JAM2: variants seen among roughly 807,000 people sequenced by gnomAD.
JAM2 encodes junctional adhesion molecule 2.
JAM2 carries 17 observed loss-of-function variants against 42.0 expected under a neutral mutation model. That is an observed-to-expected ratio of 0.40 (90% CI 0.28 to 0.61). The LOEUF (loss-of-function observed/expected upper bound fraction) is 0.61, where lower values mean the gene tolerates loss of function less well. JAM2 is among the 20% of genes least tolerant of loss of function. The probability of loss-of-function intolerance (pLI) is 0.37; values close to 1 mark genes in which losing one functional copy is unlikely to be tolerated. For missense variants in JAM2, 319 were observed against 358.3 expected (o/e 0.89, Z 0.89); for synonymous variants, 118 against 128.6 (o/e 0.92, Z 0.56).
chr21:25,641,004 C>T (rs1307265431), intron 1 of JAM2, among the ~76,000 whole-genome samples: 16 of 152,184 alleles, frequency 1.1e-4, no homozygotes. Context: ...GTGATGTGAG[C>T]CACGTCCCTT....
intron 1 of JAM2, among the ~76,000 whole-genome samples, chr21:25,683,186 C>A (rs752654338): frequency 3.3e-5 from 5 of 151,952 alleles, no homozygotes; most frequent in African/African-American, 4.8e-5. Flanking sequence ...ATCAAAGGTG[C>A]CTTTTTAAAT....
At chr21:25,672,432 C>A (rs1411728060) in intron 1 of JAM2, among the ~76,000 whole-genome samples, 1 of 152,122 alleles carries the variant, frequency 6.6e-6, no homozygotes, top group African/African-American at 2.4e-5. Flanking sequence ...AACCACTTGC[C>A]CAGAGCTGAT....
intron 1 of JAM2, among the ~76,000 whole-genome samples, chr21:25,649,229 C>T (rs1232693913): frequency 2.6e-5 from 4 of 152,152 alleles, no homozygotes; most frequent in African/African-American, 7.2e-5. Flanking sequence ...TGTGTTCTCA[C>T]GCTGCTGTAA....
intron 3 of JAM2, among the ~76,000 whole-genome samples, chr21:25,693,116 C>T (rs750324363): frequency 3.9e-5 from 6 of 152,096 alleles, no homozygotes; most frequent in African/African-American, 7.2e-5. Flanking sequence ...TAACCTTACA[C>T]ATAAAGATTT....
At chr21:25,656,918 C>G (rs1442367786) in intron 1 of JAM2, among the ~76,000 whole-genome samples, 1 of 152,144 alleles carries the variant, frequency 6.6e-6, no homozygotes. Context: ...CAATCAAGAC[C>G]AGCCTTTTTC....
chr21:25,639,449 A>G lies in JAM2; in HGVS notation c.-373A>G, dbSNP rs1229214871. 2.2e-5 allele frequency: 4 copies of G among 180,348 alleles called. No homozygotes were observed. The highest frequency in any genetic ancestry group is 4.6e-5 in the Non-Finnish European group (4 of 87,350). 11.2% of individuals were successfully genotyped at this position (180,348 alleles called of 1,614,324 possible). On this transcript the variant is annotated 5_prime_UTR_variant, in exon 1 of 10. Coordinates refer to ENST00000480456, the MANE Select transcript of JAM2 (RefSeq NM_021219.4). Reference sequence around the variant, plus strand: ...GCGCGGACCAGACACAAAGCCGATCAATCCCGGAGGCGTGGGGGCGGAGGG... The same window carrying G: ...GCGCGGACCAGACACAAAGCCGATCGATCCCGGAGGCGTGGGGGCGGAGGG...
intron 6 of JAM2, among the ~76,000 whole-genome samples, chr21:25,703,472 T>C (rs1211129878): frequency 6.6e-6 from 1 of 152,228 alleles, no homozygotes; most frequent in Non-Finnish European, 1.5e-5. Flanking sequence ...CCGAGGTGTT[T>C]TGTGTCCTTG....
chr21:25,675,109 T>C lies in JAM2; in HGVS notation c.68-8774T>C, dbSNP rs1027933240. 2.6e-5 allele frequency among the ~76,000 whole-genome samples: 4 copies of C among 151,964 alleles called. 1 individual carries two copies. Among genetic ancestry groups the C allele is most frequent in the Non-Finnish European group, 4.4e-5 (3 of 67,992 alleles). On this transcript the variant is annotated intron_variant, in intron 1 of 9. Transcript: ENST00000480456. ...GGAGGCCTCAGGAAGCTTCCAATCA[T>C]GGAGGAAGGCGAAGGGGGCACAGGC...
At chr21:25,679,801 C>A (rs1483398347) in intron 1 of JAM2, among the ~76,000 whole-genome samples, 1 of 152,208 alleles carries the variant, frequency 6.6e-6, no homozygotes, top group Non-Finnish European at 1.5e-5. Flanking sequence ...AACTTTCCAC[C>A]TGGAATCTTT....
At chr21:25,682,346 C>A (rs1013506079) in intron 1 of JAM2, among the ~76,000 whole-genome samples, 1 of 152,202 alleles carries the variant, frequency 6.6e-6, no homozygotes, top group Non-Finnish European at 1.5e-5. Context: ...CTTTCTGATA[C>A]TTTCTTCTTT....
rs1271607480 is a variant in JAM2 at position 25,693,788 on chromosome 21, T to A, written c.274T>A (p.Phe92Ile). ...DFKNRAEMID[F>I]NIRIKNVTRS... Reference sequence around the variant, plus strand: ...TAAAAATCGAGCTGAGATGATAGATTTCAATATCCGGATCAAAAATGTGAC... The same window carrying A: ...TAAAAATCGAGCTGAGATGATAGATATCAATATCCGGATCAAAAATGTGAC... The change falls in exon 4 of 10, where the codon TTC (phenylalanine) becomes ATC (isoleucine). Residue 92 changes from phenylalanine to isoleucine, a missense_variant. Transcript: ENST00000480456. 7 of 1,614,052 alleles carry A rather than the reference T, an allele frequency of 4.3e-6. No individual in the cohort carries two copies. Among genetic ancestry groups the A allele is most frequent in the Non-Finnish European group, 5.9e-6 (7 of 1,179,886 alleles).
rs541106409 is a variant in JAM2 at position 25,654,358 on chromosome 21, G to A, written c.67+14470G>A. Among the ~76,000 whole-genome samples the A allele has an allele frequency of 6.6e-5, 10 of 152,188 alleles. No individual in the cohort carries two copies. The East Asian group carries it at 1.9e-3, about 29-fold the overall frequency. ...ATTAATCTTAGCATCATTGAAAGTA[G>A]GACAACCAGGGCAGGTGCTGTGGCT... is the stretch of plus-strand genomic sequence containing the variant. On this transcript the variant is annotated intron_variant, in intron 1 of 9. Transcript: ENST00000480456.
chr21:25,648,774 T>G (rs1026231391), intron 1 of JAM2, among the ~76,000 whole-genome samples: 9 of 152,226 alleles, frequency 5.9e-5, no homozygotes, highest in Non-Finnish European at 7.3e-5. Flanking sequence ...ATTGTGAGCT[T>G]GCTGGAGGCA....
chr21:25,646,963 A>G (rs1198586823), intron 1 of JAM2, among the ~76,000 whole-genome samples: 1 of 152,172 alleles, frequency 6.6e-6, no homozygotes, highest in East Asian at 1.9e-4. Flanking sequence ...TTCTACTGGG[A>G]TAATTTAGGA....
chr21:25,678,862 C>A (rs1441226840), intron 1 of JAM2, among the ~76,000 whole-genome samples: 1 of 152,122 alleles, frequency 6.6e-6, no homozygotes, highest in Non-Finnish European at 1.5e-5. Context: ...TGCAGTGGTG[C>A]GATCATAGCT....
At position 25,688,288 on chromosome 21, in the gene JAM2, G is replaced by A. The variant is rs1305754022; in HGVS notation, c.134-1578G>A. The stretch of plus-strand genomic sequence containing the variant: ...TGTGTGTGTATGTGTGTGTACACGC[G>A]CCCACACGCACGCACACACACATGC... On this transcript the variant is annotated intron_variant, in intron 2 of 9. Coordinates refer to ENST00000480456, the MANE Select transcript of JAM2 (RefSeq NM_021219.4). 6.0e-5 allele frequency among the ~76,000 whole-genome samples: 9 copies of A among 149,404 alleles called. No homozygotes were observed. The East Asian group carries it at 6.1e-4, about 10-fold the overall frequency.
chr21:25,651,815 C>G (rs1315045119), intron 1 of JAM2, among the ~76,000 whole-genome samples: 1 of 152,160 alleles, frequency 6.6e-6, no homozygotes, highest in Non-Finnish European at 1.5e-5. Flanking sequence ...ATGGTGATCT[C>G]TCTGTACTGT....
chr21:25,666,219 A>C (rs546306393), intron 1 of JAM2, among the ~76,000 whole-genome samples: 1 of 152,152 alleles, frequency 6.6e-6, no homozygotes, highest in African/African-American at 2.4e-5. Context: ...AATTTTAAAA[A>C]ATTGCTCACC....
intron 1 of JAM2, among the ~76,000 whole-genome samples, chr21:25,642,373 T>G (rs2032470816): frequency 6.6e-6 from 1 of 152,218 alleles, no homozygotes; most frequent in Admixed American, 6.5e-5. Context: ...TGTTTTATAC[T>G]TTGGGTTATA....
Sources: gnomAD v4.1 joint callset for allele counts (sites outside exome capture counted in the v4.1 genomes callset) on GRCh38, gnomAD v4.1.1 for gene constraint, MANE v1.5 for transcripts, NCBI Gene and HGNC (gene_info 2026-07-23, HGNC 2026-07-21) for gene names.